The following NUP155 variants were observed in gnomAD, a reference collection of about 807,000 sequenced individuals.
NUP155 encodes the protein nuclear pore complex protein Nup155.
A neutral mutation model predicts 180.4 loss-of-function variants in NUP155; 71 were observed. The observed-to-expected ratio is 0.39, with a 90% CI of 0.33 to 0.48. The LOEUF is 0.48. Ranked by LOEUF, NUP155 falls within the 20% of genes least tolerant of loss-of-function variation. The pLI is 0.91. For synonymous variants in NUP155, 582 were observed against 559.5 expected (o/e 1.04, Z -0.57); for missense variants, 1,553 against 1,648.9 (o/e 0.94, Z 1.01).
At position 37,307,336 on chromosome 5, in the gene NUP155, G is replaced by A. The variant is rs772414894; in HGVS notation, c.2864C>T (p.Pro955Leu). The A allele has an allele frequency of 1.2e-5, 19 of 1,613,804 alleles. No homozygotes were observed. Among genetic ancestry groups the A allele is most frequent in the Non-Finnish European group, 1.4e-5 (17 of 1,179,948 alleles). The change falls in exon 25 of 35, where the codon CCA (proline) becomes CTA (leucine). Residue 955 changes from proline (P) to leucine (L), a missense_variant. Pro to Leu is a moderately conservative substitution (Grantham distance 98, BLOSUM62 -3). Transcript: ENST00000231498. ...LGLHFYKHGEPEEDIVGLQAF... is the reference protein window; with the variant it reads ...LGLHFYKHGELEEDIVGLQAF... ...CTGAAGTCCAACTATGTCTTCTTCT[G>A]GTTCTCCATGTTTATAGAAATGAAG...
chr5:37,302,109 A>G (rs1742895087), intron 29 of NUP155, among the ~76,000 whole-genome samples: 1 of 152,158 alleles, frequency 6.6e-6, no homozygotes, highest in South Asian at 2.1e-4. Context: ...TATGTTTTTG[A>G]TTCTCTTAGT....
intron 16 of NUP155, among the ~76,000 whole-genome samples, chr5:37,328,769 T>C (rs1019545417): frequency 3.3e-5 from 5 of 152,206 alleles, no homozygotes; most frequent in Non-Finnish European, 7.3e-5. Flanking sequence ...CCTCCCAAAG[T>C]CCTGGGATTA....
intron 14 of NUP155, 27 bp downstream of exon 14, chr5:37,331,656 TCA>T: frequency 7.8e-7 from 1 of 1,274,666 alleles, no homozygotes; most frequent in Non-Finnish European, 1.1e-6. Context: ...TAAAATAGCA[TCA>T]CATTTTTTAA....
chr5:37,302,017 C>T (rs570398247), intron 29 of NUP155, among the ~76,000 whole-genome samples: 75 of 152,222 alleles, frequency 4.9e-4, no homozygotes, highest in African/African-American at 1.8e-3. Context: ...ATCAACCACA[C>T]GGAGGAAAGC....
chr5:37,294,415 C>T lies in NUP155; in HGVS notation c.3844G>A (p.Val1282Met), dbSNP rs1396516370. The change falls in exon 33 of 35, where the codon GTG (valine) becomes ATG (methionine). Residue 1282 changes from valine (V) to methionine (M), a missense_variant. Transcript: ENST00000231498. ...EQQVCTLNWD[V>M]GFVIQTMNEI... Reference sequence around the variant, plus strand: ...TTCATTGTCTGTATTACGAAGCCCACATCCCAGTTCAAAGTACAAACCTGC... The same window carrying T: ...TTCATTGTCTGTATTACGAAGCCCATATCCCAGTTCAAAGTACAAACCTGC... 6.2e-7 allele frequency: 1 copy of T among 1,612,598 alleles called. No homozygotes were observed.
Position 37,360,117 on chromosome 5 carries a change from C to CA in NUP155, c.393-1967dup, listed in dbSNP as rs1284180897. Among the ~76,000 whole-genome samples, 16 of 147,120 alleles carry CA rather than the reference C, an allele frequency of 1.1e-4. 1 individual carries two copies. The highest frequency in any genetic ancestry group is 7.5e-4 in the Admixed American group (11 of 14,728). ...TGGGCAACAGAGCGAGACTCTGTCT[C>CA]AAAAAAAAGGGAGAAATAAAACAGA... is the stretch of plus-strand genomic sequence containing the variant. On this transcript the variant is annotated intron_variant, in intron 3 of 34. Coordinates refer to ENST00000231498, the MANE Select transcript of NUP155 (RefSeq NM_153485.3).
At chr5:37,340,977 T>C in intron 11 of NUP155, 113 bp downstream of exon 11, 1 of 890,484 alleles carries the variant, frequency 1.1e-6, no homozygotes, top group East Asian at 2.7e-5. Flanking sequence ...ACCCTTCTAG[T>C]AGTTCCCAGT....
intron 18 of NUP155, among the ~76,000 whole-genome samples, chr5:37,326,872 C>T (rs1744630401): frequency 6.6e-6 from 1 of 152,144 alleles, no homozygotes; most frequent in African/African-American, 2.4e-5. Flanking sequence ...GACCTTTGAA[C>T]AATATGGGCT....
chr5:37,369,106 G>C (rs984579479), intron 1 of NUP155, among the ~76,000 whole-genome samples: 6 of 152,180 alleles, frequency 3.9e-5, no homozygotes, highest in Non-Finnish European at 7.3e-5. Context: ...TTAAAAATTA[G>C]CTGGGTGTGG....
Position 37,335,493 on chromosome 5 carries a change from TCAA to T in NUP155, c.1348-1863_1348-1861del, listed in dbSNP as rs1341125929. Among the ~76,000 whole-genome samples, 3 of 152,002 alleles carry T rather than the reference TCAA, an allele frequency of 2.0e-5. No individual in the cohort carries two copies. The East Asian group carries it at 5.8e-4, about 29-fold the overall frequency. ...AAGTCCACATGCCCAATACCTAGAC[TCAA>T]CAATTGTTAGCAGTTCGCCATATCT... On this transcript the variant is annotated intron_variant, in intron 12 of 34. Transcript: ENST00000231498.
chr5:37,333,255 T>C (rs990223603), intron 13 of NUP155, among the ~76,000 whole-genome samples: 1 of 152,016 alleles, frequency 6.6e-6, no homozygotes, highest in African/African-American at 2.4e-5. Flanking sequence ...CTCAGGAGGC[T>C]GTGGCAGGAG....
At chr5:37,368,355 G>C (rs1375172830) in intron 1 of NUP155, among the ~76,000 whole-genome samples, 1 of 151,728 alleles carries the variant, frequency 6.6e-6, no homozygotes, top group Non-Finnish European at 1.5e-5. Context: ...AAGTAGCTGG[G>C]GGTCCAAGTG....
At chr5:37,326,031 T>G in intron 18 of NUP155, 64 bp from the exon 19 acceptor site, 1 of 1,154,972 alleles carries the variant, frequency 8.7e-7, no homozygotes, top group East Asian at 2.3e-5. Flanking sequence ...AATAAATTTC[T>G]TTCTCTAGGA....
Position 37,331,767 on chromosome 5 carries a change from G to A in NUP155, c.1547C>T (p.Pro516Leu), listed in dbSNP as rs375239602. 6.1e-5 allele frequency: 99 copies of A among 1,610,324 alleles called. No individual in the cohort carries two copies. The highest frequency in any genetic ancestry group is 8.2e-5 in the Non-Finnish European group (97 of 1,178,044). Residue 516 changes from proline to leucine, a missense_variant, in exon 14 of 35, where the codon CCT (proline) becomes CTT (leucine). By Grantham distance (98) the Pro-to-Leu change is moderately conservative. Transcript: ENST00000231498. Reference sequence around the variant, plus strand: ...AAGTAGATGCCTCAGTTGATCTACAGGTCTAAGTTTATGAAACATAAGGCT... The same window carrying A: ...AAGTAGATGCCTCAGTTGATCTACAAGTCTAAGTTTATGAAACATAAGGCT... Reference protein sequence around the residue: ...QGSLMFHKLRPVDQLRHLLVS... With the variant: ...QGSLMFHKLRLVDQLRHLLVS...
At position 37,348,527 on chromosome 5, in the gene NUP155, A is replaced by T. The variant is rs1746251459; in HGVS notation, c.973T>A (p.Ser325Thr). Residue 325 changes from serine (S) to threonine (T), a missense_variant, in exon 9 of 35, where the codon TCT becomes ACT. Physicochemically the swap from Ser to Thr is moderately conservative, Grantham distance 58. Coordinates refer to ENST00000231498, the MANE Select transcript of NUP155 (RefSeq NM_153485.3). ...TACCTAGCAATGTTACCAGCAGCAGAGACAATGGCATTCTGTGACACAGAG... is the reference window on the plus strand; with the variant it reads ...TACCTAGCAATGTTACCAGCAGCAGTGACAATGGCATTCTGTGACACAGAG... ...VASVSQNAIV[S>T]AAGNIARTID... 8 of 1,610,238 alleles carry T rather than the reference A, an allele frequency of 5.0e-6. No individual in the cohort carries two copies. Among genetic ancestry groups the T allele is most frequent in the Non-Finnish European group, 6.8e-6 (8 of 1,176,458 alleles).
intron 3 of NUP155, among the ~76,000 whole-genome samples, chr5:37,359,901 T>C (rs1747086250): frequency 1.3e-5 from 2 of 152,138 alleles, no homozygotes; most frequent in Non-Finnish European, 2.9e-5. Flanking sequence ...GTGGATCACT[T>C]GAGGCCATGA....
intron 9 of NUP155, among the ~76,000 whole-genome samples, chr5:37,343,060 T>TA (rs1187421939): frequency 1.3e-5 from 2 of 151,744 alleles, no homozygotes; most frequent in Admixed American, 6.6e-5. Flanking sequence ...CATATTTCCA[T>TA]ATTTTCTTTT....
At position 37,304,794 on chromosome 5, in the gene NUP155, C is replaced by T; in HGVS notation, c.3107G>A (p.Ser1036Asn). 6.2e-7 allele frequency: 1 copy of T among 1,614,006 alleles called. No individual in the cohort carries two copies. The highest frequency in any genetic ancestry group is 8.5e-7 in the Non-Finnish European group (1 of 1,179,960). The change falls in exon 27 of 35, where the codon AGT (serine) becomes AAT (asparagine). Residue 1036 changes from serine to asparagine, a missense_variant. By Grantham distance (46) the Ser-to-Asn change is conservative. Transcript: ENST00000231498. ...TATTAGCCAATTATAAAGGGCAATA[C>T]TAAAGAGCTCATCCTTGGATCGCTG... The part of the protein sequence containing the change: ...LSQRSKDELF[S>N]IALYNWLIQV...
Position 37,371,056 on chromosome 5 carries a change from A to G in NUP155, c.-79T>C. 1 of 1,507,386 alleles carries G rather than the reference A, an allele frequency of 6.6e-7. No homozygotes were observed. The highest frequency in any genetic ancestry group is 1.4e-5 in the African/African-American group (1 of 72,614). The allele number at this position is 1,507,386 out of a possible 1,614,324, so 93.4% of individuals were successfully genotyped here. ...AAGAAAAGATCCAAGAAGTTAGCTT[A>G]GATCCGCCGCCTAGGGCGCGCGCGC... is the stretch of plus-strand genomic sequence containing the variant. On this transcript the variant is annotated 5_prime_UTR_variant, in exon 1 of 35. Transcript: ENST00000231498.
Sources: allele counts gnomAD v4.1 joint callset (sites outside exome capture counted in the v4.1 genomes callset), GRCh38; gene constraint gnomAD v4.1.1; transcripts MANE v1.5; gene names NCBI Gene and HGNC (gene_info 2026-07-23, HGNC 2026-07-21).